LGSN: variants seen among roughly 807,000 people sequenced by gnomAD.
LGSN encodes lengsin, lens protein with glutamine synthetase domain.
LGSN carries 21 observed loss-of-function variants against 19.5 expected under a neutral mutation model. That is an observed-to-expected ratio of 1.07 (90% CI 0.76 to 1.55). The LOEUF (loss-of-function observed/expected upper bound fraction) is 1.55, where lower values mean the gene tolerates loss of function less well. Ranked by LOEUF, LGSN falls within the 40% of genes most tolerant of loss-of-function variation. The pLI is 0.00. For missense variants in LGSN, 673 were observed against 608.5 expected (o/e 1.11, Z -1.12); for synonymous variants, 257 against 215.6 (o/e 1.19, Z -1.68).
the LGSN span, among the ~76,000 whole-genome samples, chr6:63,367,139 C>A: frequency 6.6e-6 from 1 of 152,276 alleles, no homozygotes; most frequent in East Asian, 1.9e-4. Flanking sequence ...AAACTACCAT[C>A]AGAGTGAACA....
At chr6:63,448,078 T>A in the LGSN span, among the ~76,000 whole-genome samples, 2 of 152,222 alleles carry the variant, frequency 1.3e-5, no homozygotes, top group Admixed American at 1.3e-4. Context: ...ATAATAATAT[T>A]TCATCTCAGA....
chr6:63,534,040 C>CA, the LGSN span, among the ~76,000 whole-genome samples: 2 of 151,966 alleles, frequency 1.3e-5, no homozygotes, highest in Admixed American at 1.3e-4. Context: ...GATGGGGTTT[C>CA]ACCATTTTGG....
chr6:63,461,184 G>A, the LGSN span, among the ~76,000 whole-genome samples: 1 of 152,158 alleles, frequency 6.6e-6, no homozygotes, highest in African/African-American at 2.4e-5. Flanking sequence ...CCGAGTAGCT[G>A]CGATTACAAG....
the LGSN span, among the ~76,000 whole-genome samples, chr6:63,355,969 G>A: frequency 6.6e-6 from 1 of 152,154 alleles, no homozygotes; most frequent in African/African-American, 2.4e-5. Flanking sequence ...GTGAGCCACT[G>A]GACCTCGCCA....
chr6:63,355,867 C>T, the LGSN span, among the ~76,000 whole-genome samples: 11 of 152,206 alleles, frequency 7.2e-5, no homozygotes, highest in African/African-American at 2.2e-4. Context: ...TTAGTGGAGA[C>T]GGGGTTTCAC....
chr6:63,419,351 A>G, the LGSN span, among the ~76,000 whole-genome samples: 1 of 152,190 alleles, frequency 6.6e-6, no homozygotes, highest in Non-Finnish European at 1.5e-5. Context: ...TTTAGGCACA[A>G]CCATAAACGA....
intron 3 of LGSN, 87 bp from the exon 4 acceptor site, chr6:63,281,307 AT>A (rs1562003731): frequency 0.011 from 1,760 of 158,192 alleles, 65 homozygotes; most frequent in African/African-American, 0.051. Context: ...TAATGAAAAT[AT>A]ATATATATAT....
intron 3 of LGSN, among the ~76,000 whole-genome samples, chr6:63,283,772 C>T (rs889531881): frequency 2.0e-5 from 3 of 152,122 alleles, no homozygotes; most frequent in Non-Finnish European, 4.4e-5. Flanking sequence ...GCGATCTCGG[C>T]TCACTGCAAC....
chr6:63,314,362 A>C (rs1009703869), intron 1 of LGSN, among the ~76,000 whole-genome samples: 4 of 152,206 alleles, frequency 2.6e-5, no homozygotes, highest in Non-Finnish European at 4.4e-5. Context: ...GATCTGCCAG[A>C]GGCTTTAACT....
chr6:63,349,701 AC>A, the LGSN span, among the ~76,000 whole-genome samples: 2 of 152,210 alleles, frequency 1.3e-5, no homozygotes, highest in African/African-American at 4.8e-5. Flanking sequence ...TTGGCCAACA[AC>A]CAGCAAGGAA....
the LGSN span, among the ~76,000 whole-genome samples, chr6:63,449,029 G>A: frequency 6.6e-6 from 1 of 152,186 alleles, no homozygotes; most frequent in Non-Finnish European, 1.5e-5. Context: ...TTGGAAGGAT[G>A]TAACTGGGTT....
chr6:63,451,219 C>T, the LGSN span, among the ~76,000 whole-genome samples: 1 of 152,100 alleles, frequency 6.6e-6, no homozygotes, highest in Non-Finnish European at 1.5e-5. Context: ...CCATTGGACC[C>T]AGCAATTCCA....
chr6:63,309,623 C>T (rs1251485909), intron 1 of LGSN, among the ~76,000 whole-genome samples: 2 of 151,932 alleles, frequency 1.3e-5, no homozygotes, highest in Non-Finnish European at 2.9e-5. Flanking sequence ...ATGTATACCA[C>T]AAAATGTTTT....
chr6:63,350,668 A>G, the LGSN span, among the ~76,000 whole-genome samples: 1 of 152,280 alleles, frequency 6.6e-6, no homozygotes, highest in Admixed American at 6.5e-5. Flanking sequence ...CCTGGCCAAC[A>G]TGGTGAAACG....
the LGSN span, among the ~76,000 whole-genome samples, chr6:63,464,398 A>G: frequency 2.0e-5 from 3 of 152,062 alleles, no homozygotes; most frequent in South Asian, 6.2e-4. Context: ...ATCTATTTTG[A>G]ATATAATATT....
intron 1 of LGSN, among the ~76,000 whole-genome samples, chr6:63,307,589 A>G (rs765407748): frequency 6.6e-6 from 1 of 152,206 alleles, no homozygotes; most frequent in Non-Finnish European, 1.5e-5. Context: ...CTGTTTACCA[A>G]TCAGTTTAGA....
chr6:63,550,749 T>G, the LGSN span, among the ~76,000 whole-genome samples: 3 of 151,656 alleles, frequency 2.0e-5, 1 homozygote, highest in South Asian at 6.2e-4. Flanking sequence ...ACCCAGCCTC[T>G]GAGTAGCTGG....
At chr6:63,527,359 C>T in the LGSN span, among the ~76,000 whole-genome samples, 1 of 152,104 alleles carries the variant, frequency 6.6e-6, no homozygotes, top group South Asian at 2.1e-4. Flanking sequence ...CCACAGTAAC[C>T]CACAGACCTT....
At chr6:63,540,928 C>T in the LGSN span, among the ~76,000 whole-genome samples, 8 of 150,308 alleles carry the variant, frequency 5.3e-5, no homozygotes, top group Non-Finnish European at 1.0e-4. Flanking sequence ...ACTAGAACCC[C>T]GGGGGCGGAG....
Sources: allele counts gnomAD v4.1 joint callset (sites outside exome capture counted in the v4.1 genomes callset), GRCh38; gene constraint gnomAD v4.1.1; transcripts MANE v1.5; gene names NCBI Gene and HGNC (gene_info 2026-07-23, HGNC 2026-07-21).